ROS1: variants seen among roughly 807,000 people sequenced by gnomAD.
ROS1 encodes the protein proto-oncogene tyrosine-protein kinase ROS.
ROS1 carries 263 observed loss-of-function variants against 273.5 expected under a neutral mutation model. The ratio of observed to expected loss-of-function variants is 0.96; its 90% CI spans 0.87 to 1.06. The LOEUF is 1.06. ROS1 is among the 50% of genes least tolerant of loss of function. The pLI, the probability that ROS1 is intolerant of heterozygous loss-of-function variation, is 0.00. For missense variants in ROS1, 2,833 were observed against 2,751.1 expected (o/e 1.03, Z -0.67); for synonymous variants, 1,008 against 954.1 (o/e 1.06, Z -1.04).
At chr6:117,396,074 T>G (rs1206899872) in intron 9 of ROS1, 114 bp downstream of exon 9, 9 of 569,222 alleles carry the variant, frequency 1.6e-5, no homozygotes, top group African/African-American at 7.4e-5. Flanking sequence ...CAATAATCAT[T>G]TGGGCAGAAG....
At position 117,360,163 on chromosome 6, in the gene ROS1, A is replaced by AC. The variant is rs1779670437; in HGVS notation, c.3431-153dup. ...TCAGTGATAACCTTGTAGGCTCTCT[A>AC]CCCCTAGGTTTATTTAAACATATTT... On this transcript the variant is annotated intron_variant, in intron 23 of 43. Transcript: ENST00000368507. 10 of 770,186 alleles carry AC rather than the reference A, an allele frequency of 1.3e-5. No homozygotes were observed. The Admixed American group carries it at 1.7e-4, about 13-fold the overall frequency. 47.7% of individuals were successfully genotyped at this position (770,186 alleles called of 1,614,324 possible).
intron 39 of ROS1, among the ~76,000 whole-genome samples, chr6:117,311,653 T>A (rs985717595): frequency 1.3e-5 from 2 of 152,138 alleles, no homozygotes; most frequent in East Asian, 3.9e-4. Context: ...CCAGTCATGA[T>A]AATGGGCTTG....
chr6:117,407,996 T>A (rs964953210), intron 5 of ROS1, among the ~76,000 whole-genome samples: 32 of 152,066 alleles, frequency 2.1e-4, no homozygotes, highest in Admixed American at 9.8e-4. Flanking sequence ...GTGCTGGGAA[T>A]ACTGGCTAGC....
At chr6:117,324,537 T>C in intron 34 of ROS1, 122 bp from the exon 35 acceptor site, 1 of 570,768 alleles carries the variant, frequency 1.8e-6, no homozygotes, top group South Asian at 2.4e-5. Context: ...GCAAGCCAGT[T>C]GTTAGACCGT....
Position 117,316,679 on chromosome 6 carries a change from C to T in ROS1, c.6117+464G>A, listed in dbSNP as rs188097512. ...AGTAGATGGGTGGAGTAGGAGAGGACGTACGAAATCAAGAGCTCCGTTTGG... is the reference window on the plus strand; with the variant it reads ...AGTAGATGGGTGGAGTAGGAGAGGATGTACGAAATCAAGAGCTCCGTTTGG... On this transcript the variant is annotated intron_variant, in intron 39 of 43. Coordinates refer to ENST00000368507, the MANE Select transcript of ROS1 (RefSeq NM_001378902.1). 2.8e-3 allele frequency among the ~76,000 whole-genome samples: 423 copies of T among 151,396 alleles called. 1 individual carries two copies. The highest frequency in any genetic ancestry group is 9.3e-3 in the African/African-American group (383 of 41,258).
At chr6:117,360,454 A>T in intron 22 of ROS1, 49 bp from the exon 23 acceptor site, 1 of 1,287,568 alleles carries the variant, frequency 7.8e-7, no homozygotes, top group Non-Finnish European at 1.1e-6. Context: ...CTCCGTGGCA[A>T]CAATTAAGTT....
Position 117,404,297 on chromosome 6 carries a change from T to C in ROS1, c.448A>G (p.Ser150Gly), listed in dbSNP as rs773654547. 1 of 1,614,050 alleles carries C rather than the reference T, an allele frequency of 6.2e-7. No individual in the cohort carries two copies. Among genetic ancestry groups the C allele is most frequent in the Non-Finnish European group, 8.5e-7 (1 of 1,179,944 alleles). ...TTTCATACCTTAGTATAAGTCCAGCTTCCCAGAAGTTGTGCATATTTCCAC... is the reference window on the plus strand; with the variant it reads ...TTTCATACCTTAGTATAAGTCCAGCCTCCCAGAAGTTGTGCATATTTCCAC... ...IQWKYAQLLG[S>G]WTYTKTVSRP... Residue 150 changes from serine to glycine, a missense_variant, in exon 6 of 44, where the codon AGC (serine) becomes GGC (glycine). Transcript: ENST00000368507.
chr6:117,372,789 C>G (rs887587612), intron 18 of ROS1, among the ~76,000 whole-genome samples: 1 of 152,166 alleles, frequency 6.6e-6, no homozygotes, highest in Non-Finnish European at 1.5e-5. Context: ...AAGCAGCAGC[C>G]ACACTTATCA....
chr6:117,400,803 T>C (rs908896758), intron 7 of ROS1, among the ~76,000 whole-genome samples: 2 of 152,186 alleles, frequency 1.3e-5, no homozygotes, highest in African/African-American at 4.8e-5. Context: ...ACTTTCAGCA[T>C]ATTGCCTCCA....
intron 43 of ROS1, among the ~76,000 whole-genome samples, chr6:117,297,604 C>T (rs979247573): frequency 6.6e-6 from 1 of 152,090 alleles, no homozygotes; most frequent in Non-Finnish European, 1.5e-5. Context: ...AACTGACCAA[C>T]AGGTATATGG....
intron 7 of ROS1, among the ~76,000 whole-genome samples, chr6:117,399,242 G>C (rs1773755313): frequency 6.6e-6 from 1 of 152,190 alleles, no homozygotes; most frequent in Non-Finnish European, 1.5e-5. Context: ...GATTTGCCCA[G>C]CCAATGTCCC....
chr6:117,417,200 A>T (rs954161429), intron 2 of ROS1, among the ~76,000 whole-genome samples: 15 of 152,018 alleles, frequency 9.9e-5, no homozygotes, highest in Admixed American at 8.5e-4. Flanking sequence ...AGCACTTCAG[A>T]TCCATCATGT....
Position 117,341,545 on chromosome 6 carries a change from C to T in ROS1, c.4739G>A (p.Gly1580Glu), listed in dbSNP as rs531832845. ...CTGATAACGGACTGATTCTTTAGGT[C>T]CATTTGGCTTGTGAGATTCTCTCCA... is the stretch of plus-strand genomic sequence containing the variant. ...ISWRESHKPN[G>E]PKESVRYQLA... Residue 1580 changes from glycine to glutamate, a missense_variant, in exon 30 of 44, where the codon GGA (glycine) becomes GAA (glutamate). Coordinates refer to ENST00000368507, the MANE Select transcript of ROS1 (RefSeq NM_001378902.1). 6.2e-7 allele frequency: 1 copy of T among 1,613,714 alleles called. No homozygotes were observed. Among genetic ancestry groups the T allele is most frequent in the Non-Finnish European group, 8.5e-7 (1 of 1,179,772 alleles).
intron 21 of ROS1, 81 bp from the exon 22 acceptor site, chr6:117,362,946 T>C: frequency 5.0e-6 from 6 of 1,199,354 alleles, no homozygotes; most frequent in Non-Finnish European, 5.7e-6. Context: ...TATAATAAGA[T>C]TGTAAACAAC....
chr6:117,294,150 A>G lies in ROS1; in HGVS notation c.6716-5348T>C, dbSNP rs990402360. On this transcript the variant is annotated intron_variant, in intron 43 of 43. Transcript: ENST00000368507. ...TCTCAAAAAATTAGGCATGGAAGGA[A>G]CATATCTCAAAATAATAGAGGTTAT... Among the ~76,000 whole-genome samples, 23 of 152,192 alleles carry G rather than the reference A, an allele frequency of 1.5e-4. 1 individual carries two copies. The highest frequency in any genetic ancestry group is 1.5e-3 in the Admixed American group (23 of 15,288).
chr6:117,403,000 G>T, intron 7 of ROS1, 139 bp downstream of exon 7: 1 of 870,752 alleles, frequency 1.1e-6, no homozygotes, highest in Non-Finnish European at 1.8e-6. Context: ...AATACTACCT[G>T]GCACATAGTT....
rs1037113961 is a variant in ROS1 at position 117,287,475 on chromosome 6, A to G, written c.*1017T>C. Among the ~76,000 whole-genome samples, 1 of 152,220 alleles carries G rather than the reference A, an allele frequency of 6.6e-6. No individual in the cohort carries two copies. The highest frequency in any genetic ancestry group is 2.4e-5 in the African/African-American group (1 of 41,450). The stretch of plus-strand genomic sequence containing the variant: ...AATCTTTATACTAGTTAATTTCCAT[A>G]ATAGCACACAAGTCAGAGTGATTTT... On this transcript the variant is annotated 3_prime_UTR_variant, in exon 44 of 44. Transcript: ENST00000368507.
At chr6:117,320,849 G>A (rs1776240891) in intron 36 of ROS1, among the ~76,000 whole-genome samples, 1 of 152,064 alleles carries the variant, frequency 6.6e-6, no homozygotes, top group Non-Finnish European at 1.5e-5. Context: ...AGAAGGTTTT[G>A]TGGGCAATCA....
At chr6:117,412,363 A>G (rs1774980731) in intron 4 of ROS1, among the ~76,000 whole-genome samples, 1 of 152,014 alleles carries the variant, frequency 6.6e-6, no homozygotes, top group Admixed American at 6.6e-5. Flanking sequence ...AAAGGCCAAG[A>G]TGCAATGATA....
Sources: gnomAD v4.1 joint callset for allele counts (sites outside exome capture counted in the v4.1 genomes callset) on GRCh38, gnomAD v4.1.1 for gene constraint, MANE v1.5 for transcripts, NCBI Gene and HGNC (gene_info 2026-07-23, HGNC 2026-07-21) for gene names.